The following DPF3 variants were observed in gnomAD, a reference collection of about 807,000 sequenced individuals.
The protein encoded by DPF3 is double PHD fingers 3.
Under a neutral mutation model 56.8 loss-of-function variants are expected in DPF3, and 18 were observed. The observed-to-expected ratio is 0.32, with a 90% CI of 0.22 to 0.47. DPF3 has a LOEUF of 0.47. Among genes scored for constraint, DPF3 ranks in the 20% least tolerant of loss-of-function variants. DPF3 has a pLI of 1.00. For synonymous variants in DPF3, 188 were observed against 180.2 expected (o/e 1.04, Z -0.35); for missense variants, 403 against 488.8 (o/e 0.82, Z 1.65).
At chr14:72,742,998 C>T (rs1890189752) in intron 3 of DPF3, among the ~76,000 whole-genome samples, 1 of 152,154 alleles carries the variant, frequency 6.6e-6, no homozygotes, top group South Asian at 2.1e-4. Flanking sequence ...TGCTTTGGGA[C>T]ACCTTAAGCC....
At chr14:72,831,930 AG>A (rs1884076365) in intron 1 of DPF3, among the ~76,000 whole-genome samples, 1 of 152,230 alleles carries the variant, frequency 6.6e-6, no homozygotes, top group Non-Finnish European at 1.5e-5. Flanking sequence ...GAAAAATCTG[AG>A]GAAGGGCTAG....
At chr14:72,797,437 A>G (rs1892689507) in intron 1 of DPF3, among the ~76,000 whole-genome samples, 1 of 152,220 alleles carries the variant, frequency 6.6e-6, no homozygotes, top group Non-Finnish European at 1.5e-5. Flanking sequence ...TCAATGTCTC[A>G]TTCATCTTTA....
rs77006526 is a variant in DPF3, at chr14:72,794,333, C to G, written c.33-22440G>C. Among the ~76,000 whole-genome samples, 125 of 152,290 alleles carry G rather than the reference C, an allele frequency of 8.2e-4. 1 individual carries two copies. Among genetic ancestry groups the G allele is most frequent in the African/African-American group, 2.7e-3 (114 of 41,552 alleles). ...AAAAAGCCAGCTCATGAGTTAACTC[C>G]CAGGCAGTATTATCCACTCCAGGGG... On this transcript the variant is annotated intron_variant, in intron 1 of 10. Coordinates refer to ENST00000556509, the MANE Select transcript of DPF3 (RefSeq NM_001280542.3).
At chr14:72,783,095 TG>T (rs915844266) in intron 1 of DPF3, among the ~76,000 whole-genome samples, 1 of 152,136 alleles carries the variant, frequency 6.6e-6, no homozygotes, top group African/African-American at 2.4e-5. Flanking sequence ...CTCCTCTACC[TG>T]GCATGACATG....
intron 6 of DPF3, among the ~76,000 whole-genome samples, chr14:72,700,367 C>T (rs534832606): frequency 2.6e-5 from 4 of 152,248 alleles, no homozygotes; most frequent in African/African-American, 9.6e-5. Context: ...GAACAAGGGC[C>T]CCCGCATTTT....
At chr14:72,796,482 TAC>T (rs1164746605) in intron 1 of DPF3, among the ~76,000 whole-genome samples, 1 of 152,130 alleles carries the variant, frequency 6.6e-6, no homozygotes. Context: ...CAGCCTGGGT[TAC>T]AGAGTGAGAT....
chr14:72,815,601 T>C (rs149798803), intron 1 of DPF3, among the ~76,000 whole-genome samples: 1 of 152,386 alleles, frequency 6.6e-6, no homozygotes, highest in African/African-American at 2.4e-5. Flanking sequence ...GGTAAATGAA[T>C]AAGCAAGTTG....
intron 3 of DPF3, among the ~76,000 whole-genome samples, chr14:72,733,824 T>A (rs1889775207): frequency 6.6e-6 from 1 of 152,172 alleles, no homozygotes. Flanking sequence ...AGAGGGAGTC[T>A]GACCAATCCA....
intron 8 of DPF3, among the ~76,000 whole-genome samples, chr14:72,666,373 C>A (rs1886445346): frequency 6.6e-6 from 1 of 152,164 alleles, no homozygotes; most frequent in African/African-American, 2.4e-5. Flanking sequence ...GAATCAAATA[C>A]CTCCTTTTCA....
chr14:72,863,058 T>TTATATATA (rs58405648), intron 1 of DPF3, among the ~76,000 whole-genome samples: 435 of 139,406 alleles, frequency 3.1e-3, no homozygotes, highest in South Asian at 4.4e-3. Context: ...ATTATTCCAT[T>TTATATATA]TATATATATA....
chr14:72,690,715 C>G (rs2153572783), intron 7 of DPF3, among the ~76,000 whole-genome samples: 1 of 152,138 alleles, frequency 6.6e-6, no homozygotes, highest in South Asian at 2.1e-4. Context: ...CACAGACAGA[C>G]AAGAAGCATT....
At chr14:72,707,103 T>C (rs1285512419) in intron 6 of DPF3, among the ~76,000 whole-genome samples, 1 of 152,096 alleles carries the variant, frequency 6.6e-6, no homozygotes, top group East Asian at 1.9e-4. Context: ...TGCGATAGTT[T>C]ACTGAGAATG....
At position 72,611,106 on chromosome 14, in the gene DPF3, C is replaced by T. The variant is rs1414685444; in HGVS notation, c.*8191G>A. ...CATCCAGGGCCCCAGAGGAGCCTTC[C>T]CTTGGGCCACCCCCCACAGAGAAGC... On this transcript the variant is annotated 3_prime_UTR_variant, in exon 11 of 11. Coordinates refer to ENST00000556509, the MANE Select transcript of DPF3 (RefSeq NM_001280542.3). 2.0e-5 allele frequency among the ~76,000 whole-genome samples: 3 copies of T among 152,280 alleles called. No individual in the cohort carries two copies. In the East Asian group the frequency reaches 5.8e-4, roughly 29 times the overall value.
chr14:72,868,281 G>T (rs2192595), intron 1 of DPF3, among the ~76,000 whole-genome samples: 33,656 of 152,086 alleles, frequency 0.22, 4,231 homozygotes, highest in African/African-American at 0.35. Flanking sequence ...CTTTGTAATG[G>T]TCTCTACTAG....
chr14:72,836,327 G>A (rs1338823771), intron 1 of DPF3: 1 of 985,540 alleles, frequency 1.0e-6, no homozygotes, highest in Middle Eastern at 5.2e-4. Context: ...ATAATAAAGT[G>A]ACCGAATGTG....
rs1437781279 is a variant in DPF3, at chr14:72,788,065, C to T, written c.33-16172G>A. ...TGCCTAACTGCCTGGCCATGCTAAGCGCCTGAGCCCTGGGACAGGGTATGA... is the reference window on the plus strand; with the variant it reads ...TGCCTAACTGCCTGGCCATGCTAAGTGCCTGAGCCCTGGGACAGGGTATGA... On this transcript the variant is annotated intron_variant, in intron 1 of 10. Coordinates refer to ENST00000556509, the MANE Select transcript of DPF3 (RefSeq NM_001280542.3). Among the ~76,000 whole-genome samples, 4 of 152,328 alleles carry T rather than the reference C, an allele frequency of 2.6e-5. No homozygotes were observed. In the East Asian group the frequency reaches 5.8e-4, roughly 22 times the overall value.
At chr14:72,825,021 G>A (rs547005879) in intron 1 of DPF3, among the ~76,000 whole-genome samples, 5 of 151,772 alleles carry the variant, frequency 3.3e-5, no homozygotes, top group East Asian at 1.9e-4. Context: ...CCAAGTAGCT[G>A]AGACTACAGG....
intron 4 of DPF3, 109 bp downstream of exon 4, chr14:72,731,698 T>C (rs1889653299): frequency 4.1e-6 from 6 of 1,462,746 alleles, no homozygotes; most frequent in Non-Finnish European, 5.6e-6. Flanking sequence ...AGTCTGAGAC[T>C]GAGCCCCGGC....
chr14:72,740,271 C>T (rs78473855), intron 3 of DPF3, among the ~76,000 whole-genome samples: 3,266 of 152,278 alleles, frequency 0.021, 151 homozygotes, highest in East Asian at 0.16. Context: ...CAATGGCAAG[C>T]CGCTGGAGGT....
Sources: allele counts gnomAD v4.1 joint callset (sites outside exome capture counted in the v4.1 genomes callset), GRCh38; gene constraint gnomAD v4.1.1; transcripts MANE v1.5; gene names NCBI Gene and HGNC (gene_info 2026-07-23, HGNC 2026-07-21).